Variants in CUX2 observed in about 807,000 individuals in gnomAD.
CUX2 encodes the protein homeobox protein cut-like 2.
CUX2 carries 40 observed loss-of-function variants against 144.8 expected under a neutral mutation model. That is an observed-to-expected ratio of 0.28 (90% CI 0.21 to 0.36). The LOEUF is 0.36. CUX2 is among the 10% of genes least tolerant of loss of function. The pLI is 1.00. For missense variants in CUX2, 1,615 were observed against 1,994.0 expected, an observed-to-expected ratio of 0.81 and a Z score of 3.62; for synonymous variants, 827 against 875.6, an observed-to-expected ratio of 0.94 and a Z score of 0.98.
chr12:111,293,422 T>C lies in CUX2; in HGVS notation c.437-24T>C. 6.3e-7 allele frequency: 1 copy of C among 1,593,342 alleles called. No homozygotes were observed. Among genetic ancestry groups the C allele is most frequent in the Non-Finnish European group, 8.5e-7 (1 of 1,170,894 alleles). On this transcript the variant is annotated intron_variant, in intron 5 of 21. Transcript: ENST00000261726. This position sits in a 1 kb window ranked among gnomAD's most constrained non-coding sequence, Gnocchi z 4.5. ...CACGTTGCTCTCTTGGCAATGGGGGTTTTCCCTCTTTTTCTCCCTGCAGAG... is the reference window on the plus strand; with the variant it reads ...CACGTTGCTCTCTTGGCAATGGGGGCTTTCCCTCTTTTTCTCCCTGCAGAG...
chr12:111,256,845 A>G (rs1174651855), intron 3 of CUX2, among the ~76,000 whole-genome samples: 1 of 152,184 alleles, frequency 6.6e-6, no homozygotes, highest in African/African-American at 2.4e-5. Flanking sequence ...ATTTCAAAGA[A>G]GATGCCTGGA....
chr12:111,255,240 C>T lies in CUX2; in HGVS notation c.223-8521C>T, dbSNP rs957990038. Among the ~76,000 whole-genome samples the T allele has an allele frequency of 9.9e-5, 15 of 152,206 alleles. No homozygotes were observed. The highest frequency in any genetic ancestry group is 1.0e-4 in the Non-Finnish European group (7 of 68,034). On this transcript the variant is annotated intron_variant, in intron 3 of 21. Transcript: ENST00000261726. This position sits in a 1 kb window ranked among gnomAD's most constrained non-coding sequence, Gnocchi z 4.1. ...CCTCCAGAGGGCCAGAGAGGGTCTC[C>T]AATTTCTGCCCCATTTTAGCAGGAG...
In CUX2 at chr12:111,037,093, G is replaced by T. The variant is rs768502354; in HGVS notation, c.63+2853G>T. Among the ~76,000 whole-genome samples the T allele has an allele frequency of 4.6e-5, 7 of 152,152 alleles. No homozygotes were observed. Among genetic ancestry groups the T allele is most frequent in the Non-Finnish European group, 8.8e-5 (6 of 68,026 alleles). On this transcript the variant is annotated intron_variant, in intron 1 of 21. Transcript: ENST00000261726. This position sits in a 1 kb window ranked among gnomAD's most constrained non-coding sequence, Gnocchi z 5.4. ...ATAGCCAGAAAGGAGAACTTCTGCC[G>T]GCTTTTTCTGAGATCCAGGTAGGAG...
chr12:111,141,922 A>G (rs1431323486), intron 1 of CUX2, among the ~76,000 whole-genome samples: 1 of 152,156 alleles, frequency 6.6e-6, no homozygotes, highest in Non-Finnish European at 1.5e-5. Flanking sequence ...TGTCTCTACT[A>G]AAAATACAAA....
chr12:111,114,238 ACCAGC>A lies in CUX2; in HGVS notation c.63+79999_63+80003del, dbSNP rs1477013097. 5.7e-3 allele frequency among the ~76,000 whole-genome samples: 867 copies of A among 152,328 alleles called. 6 individuals carry two copies. Among genetic ancestry groups the A allele is most frequent in the African/African-American group, 0.019 (805 of 41,564 alleles). On this transcript the variant is annotated intron_variant, in intron 1 of 21. Transcript: ENST00000261726. The stretch of plus-strand genomic sequence containing the variant: ...AGAGTTTCAGTTGCTCTACAAGCTC[ACCAGC>A]ATTTGATATTATCATTTTTTTTTCT...
chr12:111,206,125 C>T (rs1405052525), intron 1 of CUX2, among the ~76,000 whole-genome samples: 4 of 151,912 alleles, frequency 2.6e-5, no homozygotes, highest in Admixed American at 2.6e-4. Flanking sequence ...TGCTTGAGCC[C>T]AGGAGTTTGA....
intron 3 of CUX2, among the ~76,000 whole-genome samples, chr12:111,258,512 C>CAAA (rs895707620): frequency 2.4e-3 from 159 of 65,934 alleles, no homozygotes; most frequent in African/African-American, 8.9e-3. Context: ...GACTCCATCT[C>CAAA]AAAAAAAAAA....
chr12:111,070,669 G>A (rs1257652514), intron 1 of CUX2, among the ~76,000 whole-genome samples: 3 of 152,014 alleles, frequency 2.0e-5, no homozygotes, highest in Non-Finnish European at 4.4e-5. Context: ...TGTTCTATGG[G>A]CTTGGACAAG....
At chr12:111,219,158 G>A (rs1187976171) in intron 3 of CUX2, among the ~76,000 whole-genome samples, 1 of 152,010 alleles carries the variant, frequency 6.6e-6, no homozygotes, top group African/African-American at 2.4e-5. Flanking sequence ...AGCACATAAG[G>A]CAATATTAAA....
intron 18 of CUX2, among the ~76,000 whole-genome samples, chr12:111,332,083 CA>C (rs1337884890): frequency 6.1e-5 from 8 of 132,116 alleles, no homozygotes; most frequent in East Asian, 2.2e-4. Context: ...ACTCCATCTC[CA>C]AAAAAAAAGA....
At chr12:111,326,475 T>C (rs1328570350) in intron 18 of CUX2, among the ~76,000 whole-genome samples, 2 of 151,420 alleles carry the variant, frequency 1.3e-5, no homozygotes, top group Non-Finnish European at 2.9e-5. Context: ...TTTTGTTTTA[T>C]AGTGTTGTGG....
At chr12:111,065,311 G>C (rs1238071084) in intron 1 of CUX2, among the ~76,000 whole-genome samples, 1 of 152,242 alleles carries the variant, frequency 6.6e-6, no homozygotes, top group Non-Finnish European at 1.5e-5. Flanking sequence ...TTGGCCTACA[G>C]GTCACTGTTT....
chr12:111,163,861 C>G (rs1350286672), intron 1 of CUX2, among the ~76,000 whole-genome samples: 1 of 152,110 alleles, frequency 6.6e-6, no homozygotes, highest in East Asian at 1.9e-4. Flanking sequence ...CAGGGGCGTT[C>G]CTTAGTCCCC....
At chr12:111,066,584 C>T (rs938643198) in intron 1 of CUX2, among the ~76,000 whole-genome samples, 3 of 152,072 alleles carry the variant, frequency 2.0e-5, no homozygotes, top group Non-Finnish European at 4.4e-5. Context: ...GTTAAGCACC[C>T]ATTGGGTGAG....
At chr12:111,342,455 G>A (rs7978923) in intron 21 of CUX2, among the ~76,000 whole-genome samples, 12 of 150,852 alleles carry the variant, frequency 8.0e-5, no homozygotes, top group Admixed American at 5.3e-4. Context: ...CACTCCAGCC[G>A]GGGCGACAGA....
At chr12:111,069,778 C>T (rs1871185167) in intron 1 of CUX2, among the ~76,000 whole-genome samples, 1 of 152,068 alleles carries the variant, frequency 6.6e-6, no homozygotes, top group African/African-American at 2.4e-5. Flanking sequence ...TCATTTTTAC[C>T]TTAAATACAT....
At chr12:111,177,271 T>A (rs921890952) in intron 1 of CUX2, among the ~76,000 whole-genome samples, 1 of 152,108 alleles carries the variant, frequency 6.6e-6, no homozygotes, top group Non-Finnish European at 1.5e-5. Flanking sequence ...AAAGCAAACA[T>A]CATGAAAAAT....
intron 1 of CUX2, among the ~76,000 whole-genome samples, chr12:111,210,527 C>T (rs560825502): frequency 6.6e-6 from 1 of 152,294 alleles, no homozygotes; most frequent in East Asian, 1.9e-4. Context: ...GGCACAGTGG[C>T]TCACACCTGT....
At chr12:111,123,419 A>G (rs145736217) in intron 1 of CUX2, among the ~76,000 whole-genome samples, 40 of 152,300 alleles carry the variant, frequency 2.6e-4, no homozygotes, top group African/African-American at 8.7e-4. Flanking sequence ...CCTGGTCTCA[A>G]GCAATCCACC....
Sources: allele counts gnomAD v4.1 joint callset (sites outside exome capture counted in the v4.1 genomes callset), GRCh38; gene constraint gnomAD v4.1.1; non-coding constraint Gnocchi (gnomAD v3.1); transcripts MANE v1.5; gene names NCBI Gene and HGNC (gene_info 2026-07-23, HGNC 2026-07-21).